The following PTPRD variants were observed in gnomAD, a reference collection of about 807,000 sequenced individuals.
PTPRD encodes the protein receptor-type tyrosine-protein phosphatase delta.
Under a neutral mutation model 214.5 loss-of-function variants are expected in PTPRD, and 34 were observed. The observed-to-expected ratio is 0.16, with a 90% confidence interval of 0.12 to 0.21. The LOEUF is 0.21. Among genes scored for constraint, PTPRD ranks in the 10% least tolerant of loss-of-function variants. The pLI, the probability that PTPRD is intolerant of heterozygous loss-of-function variation, is 1.00. For missense variants in PTPRD, 2,545 were observed against 2,398.7 expected (o/e 1.06, Z -1.27); for synonymous variants, 1,128 against 845.7 (o/e 1.33, Z -5.79).
At chr9:8,742,594 G>A (rs143595010) in intron 11 of PTPRD, among the ~76,000 whole-genome samples, 79 of 152,070 alleles carry the variant, frequency 5.2e-4, no homozygotes, top group Non-Finnish European at 9.4e-4. Context: ...TACATAGTAC[G>A]GAAAAGTCTG....
rs554431091 is a variant in PTPRD, at chr9:9,219,836, A to T, written c.-202-36473T>A. 4.6e-5 allele frequency among the ~76,000 whole-genome samples: 7 copies of T among 152,300 alleles called. No homozygotes were observed. In the Middle Eastern group the frequency reaches 0.01, roughly 222 times the overall value. ...GCAGCTGCATGTTCCCAGTTTTGCA[A>T]TTCTCTGCAGGAAATGGGCATCTGC... On this transcript the variant is annotated intron_variant, in intron 9 of 45. Coordinates refer to ENST00000381196, the MANE Select transcript of PTPRD (RefSeq NM_002839.4).
chr9:8,623,122 G>C (rs1420913622), intron 14 of PTPRD, among the ~76,000 whole-genome samples: 1 of 151,838 alleles, frequency 6.6e-6, no homozygotes, highest in African/African-American at 2.4e-5. Context: ...CTGCATTCCA[G>C]CCTGGATGAC....
At chr9:10,126,787 T>C (rs2098823084) in intron 3 of PTPRD, among the ~76,000 whole-genome samples, 1 of 152,174 alleles carries the variant, frequency 6.6e-6, no homozygotes, top group African/African-American at 2.4e-5. Flanking sequence ...CCTCCATCAC[T>C]AACTGATAAG....
intron 21 of PTPRD, among the ~76,000 whole-genome samples, chr9:8,514,186 G>C (rs182439753): frequency 6.6e-6 from 1 of 152,132 alleles, no homozygotes; most frequent in Non-Finnish European, 1.5e-5. Flanking sequence ...TAAAGATATG[G>C]TCTGTCTACT....
At chr9:10,281,024 C>G (rs1384878596) in intron 3 of PTPRD, among the ~76,000 whole-genome samples, 1 of 152,200 alleles carries the variant, frequency 6.6e-6, no homozygotes, top group Non-Finnish European at 1.5e-5. Flanking sequence ...TAAACCAGCA[C>G]ATTCATCTAG....
chr9:9,052,599 G>C (rs577056880), intron 10 of PTPRD, among the ~76,000 whole-genome samples: 2 of 152,300 alleles, frequency 1.3e-5, no homozygotes, highest in South Asian at 4.1e-4. Context: ...ATACAGTTAA[G>C]AGAAAATTAT....
intron 4 of PTPRD, among the ~76,000 whole-genome samples, chr9:9,968,110 T>G (rs879139752): frequency 6.6e-6 from 1 of 152,170 alleles, no homozygotes; most frequent in Admixed American, 6.5e-5. Flanking sequence ...AGAATCCTAT[T>G]TTAGAATATT....
At chr9:10,487,834 C>CTT (rs35046295) in intron 2 of PTPRD, among the ~76,000 whole-genome samples, 88 of 147,444 alleles carry the variant, frequency 6.0e-4, no homozygotes, top group African/African-American at 1.8e-3. Context: ...TTTAGAAGAA[C>CTT]TTTTTTTTTT....
At chr9:9,442,883 G>A (rs2088711691) in intron 8 of PTPRD, among the ~76,000 whole-genome samples, 1 of 152,058 alleles carries the variant, frequency 6.6e-6, no homozygotes, top group South Asian at 2.1e-4. Flanking sequence ...AGGATTATTT[G>A]AGCCATTGTG....
chr9:8,554,342 A>C (rs981919277), intron 14 of PTPRD, among the ~76,000 whole-genome samples: 2 of 152,216 alleles, frequency 1.3e-5, no homozygotes, highest in Non-Finnish European at 2.9e-5. Context: ...GATTATTCTC[A>C]TGTTTTGATA....
At chr9:9,749,881 G>C (rs887027668) in intron 6 of PTPRD, among the ~76,000 whole-genome samples, 18 of 152,066 alleles carry the variant, frequency 1.2e-4, no homozygotes, top group African/African-American at 4.1e-4. Context: ...AGTTGAAGTT[G>C]GATTTAGCTA....
At chr9:9,139,459 G>T (rs2099856456) in intron 10 of PTPRD, among the ~76,000 whole-genome samples, 1 of 152,176 alleles carries the variant, frequency 6.6e-6, no homozygotes, top group African/African-American at 2.4e-5. Context: ...GTTAGGCACA[G>T]TATGAGATTA....
intron 7 of PTPRD, among the ~76,000 whole-genome samples, chr9:9,581,297 A>C (rs1487129197): frequency 1.3e-5 from 2 of 152,174 alleles, no homozygotes; most frequent in African/African-American, 4.8e-5. Context: ...TAAATTTTAG[A>C]ATACATAATA....
intron 32 of PTPRD, among the ~76,000 whole-genome samples, chr9:8,464,213 T>C (rs2096492978): frequency 6.6e-6 from 1 of 151,942 alleles, no homozygotes; most frequent in African/African-American, 2.4e-5. Context: ...ACCTCAATGC[T>C]CTAAGTATGC....
At position 10,559,879 on chromosome 9, in the gene PTPRD, G is replaced by C. The variant is rs574140539; in HGVS notation, c.-600+52519C>G. On this transcript the variant is annotated intron_variant, in intron 2 of 45. Coordinates refer to ENST00000381196, the MANE Select transcript of PTPRD (RefSeq NM_002839.4). ...ATGAGATATCATCTCACACCAGTTA[G>C]AATGGCAATCATTAAAAAGTCAGGA... Among the ~76,000 whole-genome samples, 16 of 152,224 alleles carry C rather than the reference G, an allele frequency of 1.1e-4. No homozygotes were observed. The East Asian group carries it at 1.7e-3, about 17-fold the overall frequency.
At chr9:10,202,544 CAT>C (rs1315546600) in intron 3 of PTPRD, among the ~76,000 whole-genome samples, 1 of 146,662 alleles carries the variant, frequency 6.8e-6, no homozygotes, top group Non-Finnish European at 1.5e-5. Context: ...CTTTTTTCAA[CAT>C]GTGCATTTCT....
At chr9:8,384,857 T>C (rs893131863) in intron 37 of PTPRD, among the ~76,000 whole-genome samples, 1 of 152,162 alleles carries the variant, frequency 6.6e-6, no homozygotes, top group Non-Finnish European at 1.5e-5. Context: ...TATACCCTAA[T>C]GAAACTCATA....
At chr9:8,370,529 G>C (rs532059675) in intron 39 of PTPRD, among the ~76,000 whole-genome samples, 1 of 152,158 alleles carries the variant, frequency 6.6e-6, no homozygotes, top group East Asian at 1.9e-4. Context: ...AACAGTAATG[G>C]CTCCATGATT....
intron 2 of PTPRD, among the ~76,000 whole-genome samples, chr9:10,516,886 T>C (rs530436085): frequency 6.6e-6 from 1 of 152,112 alleles, no homozygotes; most frequent in African/African-American, 2.4e-5. Context: ...TGACCAATCA[T>C]GCGTGCTTTC....
Sources: allele counts gnomAD v4.1 joint callset (sites outside exome capture counted in the v4.1 genomes callset), GRCh38; gene constraint gnomAD v4.1.1; transcripts MANE v1.5; gene names NCBI Gene and HGNC (gene_info 2026-07-23, HGNC 2026-07-21).